ATP13A5: variants seen among roughly 807,000 people sequenced by gnomAD.
ATP13A5 encodes probable cation-transporting ATPase 13A5.
Under a neutral mutation model 150.2 loss-of-function variants are expected in ATP13A5, and 149 were observed. The observed-to-expected ratio is 0.99, with a 90% CI of 0.87 to 1.14. ATP13A5 has a LOEUF of 1.14. Among genes scored for constraint, ATP13A5 ranks in the 50% most tolerant of loss-of-function variants. The pLI is 0.00. For synonymous variants in ATP13A5, 497 were observed against 522.2 expected, an observed-to-expected ratio of 0.95 and a Z score of 0.66; for missense variants, 1,383 against 1,449.3, an observed-to-expected ratio of 0.95 and a Z score of 0.74.
At chr3:193,351,307 C>A (rs1015947619) in intron 6 of ATP13A5, 106 bp from the exon 7 acceptor site, 13 of 1,285,138 alleles carry the variant, frequency 1.0e-5, no homozygotes, top group Non-Finnish European at 1.3e-5. Flanking sequence ...ACAACATACA[C>A]AAACCTCTAA....
intron 1 of ATP13A5, among the ~76,000 whole-genome samples, chr3:193,368,062 A>T (rs1207333443): frequency 6.6e-6 from 1 of 152,122 alleles, no homozygotes; most frequent in African/African-American, 2.4e-5. Context: ...CTATGTGTAG[A>T]TAATGTGGAA....
intron 1 of ATP13A5, among the ~76,000 whole-genome samples, chr3:193,377,033 C>G (rs1713669193): frequency 6.6e-6 from 1 of 152,158 alleles, no homozygotes; most frequent in African/African-American, 2.4e-5. Context: ...ATGAAGAAAA[C>G]TGGGGCACCT....
intron 17 of ATP13A5, among the ~76,000 whole-genome samples, chr3:193,315,863 G>A (rs1161359240): frequency 2.0e-5 from 1 of 50,020 alleles, no homozygotes; most frequent in Non-Finnish European, 3.5e-5. Flanking sequence ...CTTCTACCCT[G>A]TTTTATGTGT....
At chr3:193,315,362 C>T (rs1266155923) in intron 17 of ATP13A5, among the ~76,000 whole-genome samples, 1 of 152,104 alleles carries the variant, frequency 6.6e-6, no homozygotes, top group Non-Finnish European at 1.5e-5. Flanking sequence ...TATCTTCCAA[C>T]TCTTCTGTTG....
intron 27 of ATP13A5, among the ~76,000 whole-genome samples, chr3:193,281,453 G>A (rs965973057): frequency 1.3e-5 from 2 of 152,238 alleles, no homozygotes; most frequent in Non-Finnish European, 2.9e-5. Flanking sequence ...TGCTGCTGCT[G>A]AGGAAACATG....
chr3:193,321,817 G>A lies in ATP13A5; in HGVS notation c.1779C>T (p.Ile593=). The change falls in exon 16 of 30, where the codon ATC becomes ATT. Residue 593 remains isoleucine (I), a synonymous_variant. Transcript: ENST00000342358. ...AGGAAAATGGAAACTGGCACAAGGT[G>A]ATGATGGCTTCCACTGGACTCTGCA... ...KASKSPVEAI[I]TLCQFPFSSS... is the part of the protein sequence containing the mutation. The A allele has an allele frequency of 6.2e-7, 1 of 1,614,140 alleles. No individual in the cohort carries two copies. The highest frequency in any genetic ancestry group is 8.5e-7 in the Non-Finnish European group (1 of 1,180,006).
intron 17 of ATP13A5, among the ~76,000 whole-genome samples, chr3:193,316,205 T>G (rs1391862882): frequency 6.6e-6 from 1 of 152,100 alleles, no homozygotes; most frequent in Admixed American, 6.6e-5. Context: ...AATCCATTCA[T>G]CCAATGATGA....
In ATP13A5 at chr3:193,354,055, T is replaced by C; in HGVS notation, c.606+72A>G. 25 of 1,252,356 alleles carry C rather than the reference T, an allele frequency of 2.0e-5. No individual in the cohort carries two copies. In the South Asian group the frequency reaches 3.4e-4, roughly 17 times the overall value. The allele number at this position is 1,252,356 out of a possible 1,614,324, so 77.6% of individuals were successfully genotyped here. ...TCATTCACATCAAAGTATTTATGTGTTCCTTCTAGGAAGTAAGAAGTAAGG... is the reference window on the plus strand; with the variant it reads ...TCATTCACATCAAAGTATTTATGTGCTCCTTCTAGGAAGTAAGAAGTAAGG... On this transcript the variant is annotated intron_variant, in intron 6 of 29. Transcript: ENST00000342358.
intron 1 of ATP13A5, among the ~76,000 whole-genome samples, chr3:193,370,976 T>G (rs552122425): frequency 1.3e-5 from 2 of 152,262 alleles, no homozygotes; most frequent in South Asian, 2.1e-4. Flanking sequence ...GGTATTCCCA[T>G]AATTTCAGCT....
At chr3:193,312,067 A>C in intron 19 of ATP13A5, 126 bp from the exon 20 acceptor site, 1 of 1,236,414 alleles carries the variant, frequency 8.1e-7, no homozygotes, top group Non-Finnish European at 1.1e-6. Flanking sequence ...AATAATGTGT[A>C]ATTTGCCTAT....
intron 21 of ATP13A5, among the ~76,000 whole-genome samples, chr3:193,309,333 C>T (rs933342426): frequency 1.3e-5 from 2 of 152,176 alleles, no homozygotes; most frequent in Admixed American, 6.5e-5. Flanking sequence ...CAGGGTATAA[C>T]GCACCTACTT....
chr3:193,317,865 G>A (rs551961143), intron 17 of ATP13A5, among the ~76,000 whole-genome samples: 24 of 152,288 alleles, frequency 1.6e-4, no homozygotes, highest in Admixed American at 8.5e-4. Flanking sequence ...GTATGTGACA[G>A]CTGGATGATG....
Position 193,294,743 on chromosome 3 carries a change from T to C in ATP13A5, c.2848+4388A>G, listed in dbSNP as rs976635682. Among the ~76,000 whole-genome samples, 6 of 152,126 alleles carry C rather than the reference T, an allele frequency of 3.9e-5. No homozygotes were observed. In the East Asian group the frequency reaches 1.2e-3, roughly 29 times the overall value. Reference sequence around the variant, plus strand: ...ATGGGGTTACATTCTGATAAGCCCATTGTAAATTGAAAACATTTTTCAGTT... The same window carrying C: ...ATGGGGTTACATTCTGATAAGCCCACTGTAAATTGAAAACATTTTTCAGTT... On this transcript the variant is annotated intron_variant, in intron 25 of 29. Transcript: ENST00000342358.
chr3:193,359,482 A>G (rs1006698310), intron 5 of ATP13A5, among the ~76,000 whole-genome samples: 3 of 152,136 alleles, frequency 2.0e-5, no homozygotes, highest in Non-Finnish European at 4.4e-5. Context: ...GGAGCTATGC[A>G]TTAATGGCAA....
At chr3:193,294,012 C>T (rs1020821726) in intron 25 of ATP13A5, among the ~76,000 whole-genome samples, 19 of 152,164 alleles carry the variant, frequency 1.2e-4, no homozygotes, top group Admixed American at 4.6e-4. Context: ...ATCTAACCCA[C>T]GTCAGGTCGA....
Position 193,285,007 on chromosome 3 carries a change from T to C in ATP13A5, c.3133A>G (p.Thr1045Ala). The C allele has an allele frequency of 6.2e-7, 1 of 1,614,118 alleles. No homozygotes were observed. Among genetic ancestry groups the C allele is most frequent in the Non-Finnish European group, 8.5e-7 (1 of 1,179,976 alleles). ...IPGSILSFET[T>A]TLWPITTINY... ...ATGGTGGTGATGGGCCACAGTGTGG[T>C]GGTCTCAAAACTTAAAATTGAACCA... The change falls in exon 27 of 30, where the codon ACC (threonine) becomes GCC (alanine). Residue 1045 changes from threonine to alanine, a missense_variant. By Grantham distance (58) the Thr-to-Ala change is moderately conservative (BLOSUM62 0). Transcript: ENST00000342358.
chr3:193,350,113 A>G (rs115939530), intron 7 of ATP13A5, among the ~76,000 whole-genome samples: 2,225 of 152,186 alleles, frequency 0.015, 45 homozygotes, highest in African/African-American at 0.051. Flanking sequence ...AATTGCCATT[A>G]TATATAAAGT....
chr3:193,294,200 A>G (rs1215641079), intron 25 of ATP13A5, among the ~76,000 whole-genome samples: 1 of 151,198 alleles, frequency 6.6e-6, no homozygotes, highest in Admixed American at 6.6e-5. Context: ...AAGAAGAGAC[A>G]CAAGGTGGCC....
chr3:193,369,768 C>G (rs1204952339), intron 1 of ATP13A5, among the ~76,000 whole-genome samples: 1 of 152,122 alleles, frequency 6.6e-6, no homozygotes, highest in Non-Finnish European at 1.5e-5. Flanking sequence ...TACCTGTGAG[C>G]TGAGGATTTA....
Sources: gnomAD v4.1 joint callset for allele counts (sites outside exome capture counted in the v4.1 genomes callset) on GRCh38, gnomAD v4.1.1 for gene constraint, MANE v1.5 for transcripts, NCBI Gene and HGNC (gene_info 2026-07-23, HGNC 2026-07-21) for gene names.